The following PCCA variants were observed in gnomAD, a reference collection of about 807,000 sequenced individuals.
PCCA encodes propionyl-CoA carboxylase subunit alpha, also known as propionyl-CoA carboxylase alpha chain, mitochondrial.
In PCCA, 74 loss-of-function variants were observed where a neutral mutation model predicts 101.3. The observed-to-expected ratio is 0.73, with a 90% CI of 0.61 to 0.89. The LOEUF (loss-of-function observed/expected upper bound fraction) is 0.89. Ranked by LOEUF, PCCA falls within the 40% of genes least tolerant of loss-of-function variation. The pLI is 0.00. For synonymous variants in PCCA, 294 were observed against 313.6 expected (o/e 0.94, Z 0.66); for missense variants, 891 against 907.0 (o/e 0.98, Z 0.23).
chr13:100,529,730 A>G (rs1440646053), intron 23 of PCCA, among the ~76,000 whole-genome samples: 1 of 152,092 alleles, frequency 6.6e-6, no homozygotes, highest in Non-Finnish European at 1.5e-5. Flanking sequence ...ACAACCTCAA[A>G]ACCACAGAGA....
chr13:100,360,659 A>G (rs1387950374), intron 18 of PCCA, among the ~76,000 whole-genome samples: 1 of 152,174 alleles, frequency 6.6e-6, no homozygotes, highest in Non-Finnish European at 1.5e-5. Flanking sequence ...AGAACACCGA[A>G]CACCACGTGC....
intron 14 of PCCA, among the ~76,000 whole-genome samples, chr13:100,304,109 G>C (rs1223660278): frequency 6.6e-6 from 1 of 152,224 alleles, no homozygotes; most frequent in African/African-American, 2.4e-5. Flanking sequence ...CGTGAGACCT[G>C]TTGAAAGTAC....
At chr13:100,371,292 C>T (rs868768696) in intron 19 of PCCA, among the ~76,000 whole-genome samples, 16 of 152,162 alleles carry the variant, frequency 1.1e-4, no homozygotes, top group African/African-American at 3.9e-4. Context: ...AAATTTTAGG[C>T]AAAGCAATTT....
chr13:100,238,433 G>T (rs2060935805), intron 8 of PCCA, among the ~76,000 whole-genome samples: 1 of 151,796 alleles, frequency 6.6e-6, no homozygotes, highest in Admixed American at 6.6e-5. Flanking sequence ...TTGTACTTGG[G>T]CACATCCTTT....
In PCCA at chr13:100,100,907, G is replaced by A. The variant is rs191114549; in HGVS notation, c.106-1976G>A. Among the ~76,000 whole-genome samples, 9 of 152,010 alleles carry A rather than the reference G, an allele frequency of 5.9e-5. No individual in the cohort carries two copies. In the East Asian group the frequency reaches 1.7e-3, roughly 29 times the overall value. ...CAACCTCCGCCTCCCGGGTTCAAGC[G>A]ATTCTCCTGCCTCAGCCATCCGAGT... is the stretch of plus-strand genomic sequence containing the variant. On this transcript the variant is annotated intron_variant, in intron 1 of 23. Transcript: ENST00000376285.
rs1320340180 is a variant in PCCA, at chr13:100,089,584, CT to C, written c.105+364del. The stretch of plus-strand genomic sequence containing the variant: ...CTTTGTCTTAAGCTTTCCAGGGTGT[CT>C]TTTTAGGTGTCCTTATAGTTTCCGT... On this transcript the variant is annotated intron_variant, in intron 1 of 23. Transcript: ENST00000376285. 3.9e-5 allele frequency among the ~76,000 whole-genome samples: 6 copies of C among 152,336 alleles called. No individual in the cohort carries two copies. In the East Asian group the frequency reaches 1.2e-3, roughly 29 times the overall value.
At chr13:100,360,584 A>T (rs576984352) in intron 18 of PCCA, among the ~76,000 whole-genome samples, 1 of 152,334 alleles carries the variant, frequency 6.6e-6, no homozygotes, top group South Asian at 2.1e-4. Flanking sequence ...TTTTGTTAAT[A>T]TTAAAAACTT....
chr13:100,393,173 A>G (rs913128550), intron 19 of PCCA, among the ~76,000 whole-genome samples: 14 of 152,198 alleles, frequency 9.2e-5, no homozygotes, highest in Admixed American at 1.3e-4. Context: ...TCTTTAAGAA[A>G]AAAACACGAT....
intron 21 of PCCA, among the ~76,000 whole-genome samples, chr13:100,494,759 C>T (rs977501857): frequency 2.6e-5 from 4 of 152,128 alleles, no homozygotes; most frequent in African/African-American, 7.2e-5. Context: ...AGTGAAGACT[C>T]TGCCCGGCCC....
At position 100,445,199 on chromosome 13, in the gene PCCA, C is replaced by T. The variant is rs9554687; in HGVS notation, c.1846-4053C>T. The stretch of plus-strand genomic sequence containing the variant: ...AGCTTGAACTCGCCCTCAAAGAGGG[C>T]ATTAATCTATTCATGAGGGATCCTT... On this transcript the variant is annotated intron_variant, in intron 20 of 23. Transcript: ENST00000376285. Among the ~76,000 whole-genome samples the T allele has an allele frequency of 4.3e-3, 658 of 152,270 alleles. 34 individuals carry two copies. The East Asian group carries it at 0.097, about 23-fold the overall frequency.
intron 12 of PCCA, among the ~76,000 whole-genome samples, chr13:100,291,927 G>A (rs529288225): frequency 2.0e-5 from 3 of 152,128 alleles, no homozygotes; most frequent in South Asian, 2.1e-4. Flanking sequence ...TCCAGTTTTC[G>A]TTCAGCCACA....
chr13:100,437,916 C>T (rs1400903768), intron 20 of PCCA, among the ~76,000 whole-genome samples: 1 of 152,032 alleles, frequency 6.6e-6, no homozygotes. Context: ...GTTATCTGCC[C>T]GCCTCAGCCT....
At chr13:100,307,678 T>G (rs1402287204) in intron 15 of PCCA, among the ~76,000 whole-genome samples, 1 of 152,156 alleles carries the variant, frequency 6.6e-6, no homozygotes, top group Non-Finnish European at 1.5e-5. Context: ...CTCTTCAGTT[T>G]TTACAAATTA....
In PCCA at chr13:100,237,047, T is replaced by C. The variant is rs538443331; in HGVS notation, c.637+1169T>C. 4 of 152,360 alleles carry C rather than the reference T, an allele frequency of 2.6e-5. No individual in the cohort carries two copies. The South Asian group carries it at 8.3e-4, about 32-fold the overall frequency. The allele number at this position is 152,360 out of a possible 1,614,324, so 9.4% of individuals were successfully genotyped here. ...CACACGAACATTTCTGTAGGCCTGT[T>C]TTCTCACTAAGATTATTTAGATCTA... On this transcript the variant is annotated intron_variant, in intron 8 of 23. Coordinates refer to ENST00000376285, the MANE Select transcript of PCCA (RefSeq NM_000282.4).
chr13:100,259,625 G>T (rs1039582246), intron 9 of PCCA, among the ~76,000 whole-genome samples: 2 of 152,102 alleles, frequency 1.3e-5, no homozygotes, highest in East Asian at 3.9e-4. Flanking sequence ...GCACCACTGC[G>T]CCCAACCTTT....
intron 19 of PCCA, among the ~76,000 whole-genome samples, chr13:100,422,676 A>T (rs960825103): frequency 6.6e-6 from 1 of 151,774 alleles, no homozygotes; most frequent in Non-Finnish European, 1.5e-5. Context: ...ATTTTATATG[A>T]TTTCTTCAGT....
chr13:100,442,789 C>G (rs1330072407), intron 20 of PCCA, among the ~76,000 whole-genome samples: 1 of 152,154 alleles, frequency 6.6e-6, no homozygotes, highest in Non-Finnish European at 1.5e-5. Context: ...CTAGGAAGTC[C>G]TCTCTGAATA....
chr13:100,453,477 TA>T (rs374141591), intron 21 of PCCA, among the ~76,000 whole-genome samples: 124 of 133,634 alleles, frequency 9.3e-4, no homozygotes, highest in Middle Eastern at 3.6e-3. Context: ...CACTCTAGTT[TA>T]AAAAAAAAAA....
chr13:100,506,954 A>G (rs1344510155), intron 21 of PCCA, among the ~76,000 whole-genome samples: 1 of 152,194 alleles, frequency 6.6e-6, no homozygotes, highest in East Asian at 1.9e-4. Flanking sequence ...CAGTGCTTTA[A>G]AAAGGTACTT....
Sources: allele counts gnomAD v4.1 joint callset (sites outside exome capture counted in the v4.1 genomes callset), GRCh38; gene constraint gnomAD v4.1.1; transcripts MANE v1.5; gene names NCBI Gene and HGNC (gene_info 2026-07-23, HGNC 2026-07-21).